Variants in MINPP1 observed in about 807,000 individuals in gnomAD.
The protein encoded by MINPP1 is multiple inositol-polyphosphate phosphatase 1.
In MINPP1, 28 loss-of-function variants were observed where a neutral mutation model predicts 46.1. The observed-to-expected ratio is 0.61, with a 90% CI of 0.45 to 0.83. The LOEUF is 0.83. Among genes scored for constraint, MINPP1 ranks in the 40% least tolerant of loss-of-function variants. MINPP1 has a pLI of 0.00. For synonymous variants in MINPP1, 268 were observed against 249.1 expected (o/e 1.08, Z -0.72); for missense variants, 603 against 610.0 (o/e 0.99, Z 0.12).
intron 4 of MINPP1, among the ~76,000 whole-genome samples, chr10:87,550,388 C>T (rs993177347): frequency 1.1e-4 from 17 of 151,966 alleles, no homozygotes; most frequent in Middle Eastern, 3.2e-3. Flanking sequence ...GCTTGGTAAG[C>T]GCCTGTTGAT....
In MINPP1 at chr10:87,552,200, A is replaced by G; in HGVS notation, c.1186A>G (p.Lys396Glu). ...DKEPLTAYNY[K>E]KQMHRKFRSG... ...GGAACCCCTAACAGCGTACAATTAC[A>G]AAAAACAAATGCATCGGAAGTTCCG... The change falls in exon 5 of 5, where the codon AAA becomes GAA. Residue 396 changes from lysine to glutamate, a missense_variant. Physicochemically the swap from Lys to Glu is moderately conservative, Grantham distance 56 (BLOSUM62 1). This residue lies in a region of MINPP1 where 344 missense variants were observed against 381.1 expected (regional missense o/e 0.90). Transcript: ENST00000371996. 1.2e-6 allele frequency: 2 copies of G among 1,613,832 alleles called. No homozygotes were observed. The highest frequency in any genetic ancestry group is 1.7e-6 in the Non-Finnish European group (2 of 1,179,830).
intron 4 of MINPP1, among the ~76,000 whole-genome samples, chr10:87,535,631 T>C (rs996312069): frequency 7.2e-5 from 11 of 152,126 alleles, no homozygotes; most frequent in Non-Finnish European, 4.4e-5. Context: ...TAGATGCTGA[T>C]TTAAAAATTT....
chr10:87,508,084 T>C, intron 1 of MINPP1: 2 of 1,483,518 alleles, frequency 1.3e-6, no homozygotes, highest in Non-Finnish European at 1.8e-6. Flanking sequence ...TTTCATTGCG[T>C]AGCATCTCTA....
intron 2 of MINPP1, among the ~76,000 whole-genome samples, chr10:87,511,524 G>A (rs555540092): frequency 6.6e-6 from 1 of 152,072 alleles, no homozygotes; most frequent in South Asian, 2.1e-4. Flanking sequence ...GATTGACCAC[G>A]AAATCAGAAG....
rs377721862 is a variant in MINPP1, at chr10:87,508,039, C to T, written c.638-297C>T. ...GTTTGCTTTCTAAAGTTTTCCGTGC[C>T]TGACAGAAACAGTACTTATTAATGT... On this transcript the variant is annotated intron_variant, in intron 1 of 4. Transcript: ENST00000371996. 1.1e-4 allele frequency: 152 copies of T among 1,405,136 alleles called. No individual in the cohort carries two copies. The Middle Eastern group carries it at 1.3e-3, about 12-fold the overall frequency. The allele number at this position is 1,405,136 out of a possible 1,614,324, so 87.0% of individuals were successfully genotyped here. A position where few individuals can be genotyped will look rare whatever the true frequency, so the allele number is the denominator to read the frequency against.
intron 2 of MINPP1, chr10:87,509,710 T>G (rs992545428): frequency 8.3e-6 from 3 of 360,578 alleles, no homozygotes; most frequent in African/African-American, 6.4e-5. Flanking sequence ...GATATTGTTT[T>G]GCAGATTTTA....
intron 3 of MINPP1, among the ~76,000 whole-genome samples, chr10:87,519,571 A>G (rs551378957): frequency 2.6e-4 from 40 of 152,328 alleles, no homozygotes; most frequent in African/African-American, 9.1e-4. Context: ...TGGAAGGGAC[A>G]CAAGTTGCCA....
chr10:87,538,817 A>G (rs564726134), intron 4 of MINPP1, among the ~76,000 whole-genome samples: 2 of 152,362 alleles, frequency 1.3e-5, no homozygotes, highest in African/African-American at 2.4e-5. Flanking sequence ...CATACTTTGC[A>G]TAACATCAAT....
At chr10:87,532,183 C>T (rs1386939757) in intron 4 of MINPP1, among the ~76,000 whole-genome samples, 6 of 152,110 alleles carry the variant, frequency 3.9e-5, no homozygotes, top group Non-Finnish European at 7.3e-5. Context: ...AACTTTATGG[C>T]GTCATTTATT....
chr10:87,538,863 C>G (rs751179829), intron 4 of MINPP1, among the ~76,000 whole-genome samples: 8 of 152,198 alleles, frequency 5.3e-5, no homozygotes, highest in Admixed American at 2.0e-4. Flanking sequence ...TTAGAAAGAT[C>G]TAGCTGAGTA....
At chr10:87,547,321 C>G (rs887001541) in intron 4 of MINPP1, among the ~76,000 whole-genome samples, 1 of 150,342 alleles carries the variant, frequency 6.7e-6, no homozygotes, top group Admixed American at 6.6e-5. Context: ...CTAGGTTGGC[C>G]CACCTGTTCT....
intron 2 of MINPP1, chr10:87,509,709 T>G (rs1377493035): frequency 2.8e-6 from 1 of 359,936 alleles, no homozygotes; most frequent in Non-Finnish European, 5.7e-6. Context: ...GGATATTGTT[T>G]TGCAGATTTT....
At chr10:87,519,057 G>A (rs1851456279) in intron 3 of MINPP1, among the ~76,000 whole-genome samples, 1 of 152,154 alleles carries the variant, frequency 6.6e-6, no homozygotes, top group Non-Finnish European at 1.5e-5. Flanking sequence ...CAGGTGAAAG[G>A]GAGGCAGGAG....
At chr10:87,545,817 C>G (rs569424500) in intron 4 of MINPP1, among the ~76,000 whole-genome samples, 2,428 of 152,234 alleles carry the variant, frequency 0.016, 66 homozygotes, top group African/African-American at 0.055. Context: ...GGAGATTTGG[C>G]CCAGATACTG....
At chr10:87,512,270 A>G (rs1220145709) in intron 2 of MINPP1, among the ~76,000 whole-genome samples, 1 of 152,234 alleles carries the variant, frequency 6.6e-6, no homozygotes, top group Non-Finnish European at 1.5e-5. Context: ...TCAGCAAATT[A>G]GCAGTGTAAA....
intron 4 of MINPP1, among the ~76,000 whole-genome samples, chr10:87,539,675 A>T (rs529496527): frequency 1.5e-4 from 23 of 152,204 alleles, no homozygotes; most frequent in Non-Finnish European, 2.5e-4. Context: ...TTCTTGGGGT[A>T]TAGAGTCTGA....
At chr10:87,531,673 G>A (rs1260926525) in intron 4 of MINPP1, among the ~76,000 whole-genome samples, 9 of 152,156 alleles carry the variant, frequency 5.9e-5, no homozygotes, top group Non-Finnish European at 1.0e-4. Flanking sequence ...TTTTGAGTGC[G>A]GATGTGATGC....
chr10:87,552,182 C>T lies in MINPP1; in HGVS notation c.1168C>T (p.Leu390=). The part of the protein sequence containing the change: ...LMGYFKDKEP[L]TAYNYKKQMH... ...GGGCTACTTCAAAGACAAGGAACCC[C>T]TAACAGCGTACAATTACAAAAAACA... Residue 390 remains leucine (L), a synonymous_variant, in exon 5 of 5, where the codon CTA becomes TTA. Transcript: ENST00000371996. The T allele has an allele frequency of 6.2e-7, 1 of 1,613,732 alleles. No individual in the cohort carries two copies. Among genetic ancestry groups the T allele is most frequent in the African/African-American group, 1.3e-5 (1 of 75,016 alleles).
chr10:87,505,295 T>G lies in MINPP1; in HGVS notation c.380T>G (p.Leu127Arg). 6.2e-7 allele frequency: 1 copy of G among 1,611,012 alleles called. No individual in the cohort carries two copies. The highest frequency in any genetic ancestry group is 8.5e-7 in the Non-Finnish European group (1 of 1,177,752). Residue 127 changes from leucine (L) to arginine (R), a missense_variant, in exon 1 of 5, where the codon CTG becomes CGG. Coordinates refer to ENST00000371996, the MANE Select transcript of MINPP1 (RefSeq NM_004897.5). The surrounding 1 kb of genome is among the most constrained non-coding windows in gnomAD (Gnocchi z 4.4). ...GCTAGTAGTACCGGCAGCCGCGACCTGGGTGCAGCGCTGGCCGACTGGCCT... is the reference window on the plus strand; with the variant it reads ...GCTAGTAGTACCGGCAGCCGCGACCGGGGTGCAGCGCTGGCCGACTGGCCT... ...GGASSTGSRD[L>R]GAALADWPLW...
Sources: allele counts gnomAD v4.1 joint callset (sites outside exome capture counted in the v4.1 genomes callset), GRCh38; gene constraint gnomAD v4.1.1; regional missense constraint gnomAD v4.1.1; non-coding constraint Gnocchi (gnomAD v3.1); transcripts MANE v1.5; gene names NCBI Gene and HGNC (gene_info 2026-07-23, HGNC 2026-07-21).